Variants in ZNF106 observed in about 807,000 individuals in gnomAD.
ZNF106 encodes zinc finger protein 106, also known as SH3-domain binding protein 3.
A neutral mutation model predicts 195.1 loss-of-function variants in ZNF106; 67 were observed. The observed-to-expected ratio is 0.34, with a 90% CI of 0.28 to 0.42. The LOEUF is 0.42. ZNF106 is among the 10% of genes least tolerant of loss of function. ZNF106 has a pLI of 1.00. For synonymous variants in ZNF106, 784 were observed against 818.6 expected (o/e 0.96, Z 0.72); for missense variants, 2,118 against 2,304.5 (o/e 0.92, Z 1.66).
chr15:42,489,230 T>A (rs2057085944), intron 1 of ZNF106, among the ~76,000 whole-genome samples: 1 of 150,970 alleles, frequency 6.6e-6, no homozygotes, highest in African/African-American at 2.4e-5. Flanking sequence ...GTTTTTGGAG[T>A]ACAATGGCAC....
At chr15:42,422,139 C>CA (rs1303658452) in intron 18 of ZNF106, 151 bp from the exon 19 acceptor site, 1 of 596,342 alleles carries the variant, frequency 1.7e-6, no homozygotes, top group Non-Finnish European at 2.7e-6. Context: ...AATCTAATGG[C>CA]AATTTTTCTT....
At chr15:42,447,372 A>G in intron 6 of ZNF106, among the ~76,000 whole-genome samples, 1 of 151,940 alleles carries the variant, frequency 6.6e-6, no homozygotes. Context: ...AAAATATTAT[A>G]AAATAAATAA....
At chr15:42,444,160 C>CACGCTAT in intron 9 of ZNF106, 42 bp downstream of exon 9, 2 of 591,660 alleles carry the variant, frequency 3.4e-6, no homozygotes, top group Non-Finnish European at 2.7e-6. Flanking sequence ...AAAAAAGTAA[C>CACGCTAT]ACGCTATAGA....
intron 3 of ZNF106, chr15:42,457,618 T>C: frequency 1.2e-6 from 1 of 845,546 alleles, no homozygotes; most frequent in South Asian, 5.0e-5. Flanking sequence ...CAAGAGTAGG[T>C]GGCGCAGCCA....
chr15:42,454,624 C>T (rs780026936), intron 4 of ZNF106, among the ~76,000 whole-genome samples: 2 of 151,958 alleles, frequency 1.3e-5, no homozygotes, highest in Non-Finnish European at 2.9e-5. Flanking sequence ...TGGCTCATGC[C>T]TGTAATCTCA....
At chr15:42,423,961 A>G (rs768551827) in intron 17 of ZNF106, 37 bp downstream of exon 17, 1 of 1,567,748 alleles carries the variant, frequency 6.4e-7, no homozygotes. Flanking sequence ...CCATTATTTT[A>G]TTCACAGTTT....
intron 1 of ZNF106, among the ~76,000 whole-genome samples, chr15:42,472,543 T>C (rs1313789839): frequency 6.6e-6 from 1 of 152,106 alleles, no homozygotes; most frequent in African/African-American, 2.4e-5. Flanking sequence ...CAGACCTACC[T>C]TGCTATATAG....
intron 15 of ZNF106, among the ~76,000 whole-genome samples, 190 bp from the exon 16 acceptor site, chr15:42,425,215 TG>T: frequency 6.6e-6 from 1 of 152,312 alleles, no homozygotes. Flanking sequence ...CCCCATCCCC[TG>T]ATCTGAGGAG....
intron 15 of ZNF106, among the ~76,000 whole-genome samples, chr15:42,427,122 C>T (rs983705862): frequency 5.9e-5 from 9 of 152,168 alleles, no homozygotes; most frequent in Non-Finnish European, 1.2e-4. Context: ...TCAAACCTAT[C>T]GATTCTACCT....
intron 2 of ZNF106, among the ~76,000 whole-genome samples, chr15:42,469,527 G>T (rs2141415561): frequency 6.6e-6 from 1 of 152,016 alleles, no homozygotes; most frequent in South Asian, 2.1e-4. Flanking sequence ...TGAGACAACT[G>T]AGCTTTCAAA....
intron 1 of ZNF106, among the ~76,000 whole-genome samples, chr15:42,485,735 A>G (rs974239997): frequency 1.2e-4 from 19 of 152,222 alleles, no homozygotes; most frequent in Non-Finnish European, 2.5e-4. Context: ...AATAAAAATT[A>G]TTATAAAATA....
chr15:42,469,696 T>TA (rs965064517), intron 2 of ZNF106, among the ~76,000 whole-genome samples: 1 of 151,114 alleles, frequency 6.6e-6, no homozygotes, highest in African/African-American at 2.4e-5. Context: ...AATTTTTAAT[T>TA]AAAAAATAGC....
chr15:42,464,688 A>C (rs2056473857), intron 3 of ZNF106, among the ~76,000 whole-genome samples: 1 of 151,894 alleles, frequency 6.6e-6, no homozygotes, highest in African/African-American at 2.4e-5. Flanking sequence ...CACTATGCCC[A>C]GCTAATTTTG....
chr15:42,452,005 C>T, intron 4 of ZNF106, 51 bp from the exon 5 acceptor site: 1 of 1,548,864 alleles, frequency 6.5e-7, no homozygotes, highest in African/African-American at 1.4e-5. Context: ...TCCTATGCTA[C>T]CTTGAAAGGC....
intron 1 of ZNF106, among the ~76,000 whole-genome samples, chr15:42,478,580 A>T (rs551072536): frequency 1.5e-5 from 2 of 131,328 alleles, no homozygotes; most frequent in South Asian, 2.3e-4. Context: ...CAGTGGCATG[A>T]TCTCAGCTCA....
chr15:42,446,628 C>T lies in ZNF106; in HGVS notation c.3166G>A (p.Glu1056Lys). 1 of 1,604,558 alleles carries T rather than the reference C, an allele frequency of 6.2e-7. No homozygotes were observed. The highest frequency in any genetic ancestry group is 1.1e-5 in the South Asian group (1 of 89,848). Reference protein sequence around the residue: ...DGSSPELPSLERKNKRRKIKG... With the variant: ...DGSSPELPSLKRKNKRRKIKG... ...ATTTTCCTTCTTTTATTTTTTCTCT[C>T]AAGACTTGGGAGTTCAGGAGAAGAT... is the stretch of plus-strand genomic sequence containing the variant. Residue 1056 changes from glutamate to lysine, a missense_variant, in exon 7 of 22, where the codon GAG (glutamate) becomes AAG (lysine). Glu to Lys is a moderately conservative substitution (Grantham distance 56). Coordinates refer to ENST00000564754, the MANE Select transcript of ZNF106 (RefSeq NM_001366845.3).
rs200986650 is a variant in ZNF106, at chr15:42,442,286, C to G, written c.3550G>C (p.Glu1184Gln). The G allele has an allele frequency of 6.2e-7, 1 of 1,613,964 alleles. No homozygotes were observed. The highest frequency in any genetic ancestry group is 2.2e-5 in the East Asian group (1 of 44,882). Residue 1184 changes from glutamate to glutamine, a missense_variant, in exon 10 of 22, where the codon GAG becomes CAG. Transcript: ENST00000564754. ...GGAGACACATGGGAAGATGGAGGCT[C>G]CAGAAAAAGTGGGAAAAAGGGAGTG... ...LPTPFFPLFL[E>Q]PPSSHVSPSP...
rs368732514 is a variant in ZNF106 at position 42,428,041 on chromosome 15, T to A, written c.4975A>T (p.Thr1659Ser). Residue 1659 changes from threonine to serine, a missense_variant, in exon 15 of 22, where the codon ACT (threonine) becomes TCT (serine). Transcript: ENST00000564754. ...RILYAGLANG[T>S]VVTFNIKNNK... ...ACCTTTATGTTGAAGGTGACCACAG[T>A]GCCATTTGCCAGTCCCGCATAGAGG... 1.9e-6 allele frequency: 3 copies of A among 1,614,070 alleles called. No individual in the cohort carries two copies.
At chr15:42,423,586 T>A (rs1345049756) in intron 17 of ZNF106, among the ~76,000 whole-genome samples, 1 of 152,084 alleles carries the variant, frequency 6.6e-6, no homozygotes, top group Admixed American at 6.5e-5. Flanking sequence ...CTATTTTGCC[T>A]AGGCTGGTCT....
Sources: gnomAD v4.1 joint callset for allele counts (sites outside exome capture counted in the v4.1 genomes callset) on GRCh38, gnomAD v4.1.1 for gene constraint, MANE v1.5 for transcripts, NCBI Gene and HGNC (gene_info 2026-07-23, HGNC 2026-07-21) for gene names.